The following SMOC2 variants were observed in gnomAD, a reference collection of about 807,000 sequenced individuals.
SMOC2 encodes the protein SPARC related modular calcium binding 2.
Under a neutral mutation model 61.4 loss-of-function variants are expected in SMOC2, and 39 were observed. That is an observed-to-expected ratio of 0.64 (90% CI 0.49 to 0.83). The LOEUF is 0.83. Among genes scored for constraint, SMOC2 ranks in the 40% least tolerant of loss-of-function variants. SMOC2 has a pLI of 0.00. For missense variants in SMOC2, 556 were observed against 592.9 expected (o/e 0.94, Z 0.65); for synonymous variants, 247 against 239.9 (o/e 1.03, Z -0.27).
In SMOC2 at chr6:168,544,056, GGAGGAA is replaced by G. The variant is rs1783936564; in HGVS notation, c.511+391_511+396del. The stretch of plus-strand genomic sequence containing the variant: ...AAGATGCCTCAACTCCTCCCTACAA[GGAGGAA>G]GAGGAACAGTTTTTCTACCTACAGC... On this transcript the variant is annotated intron_variant, in intron 5 of 12. Coordinates refer to ENST00000356284, the MANE Select transcript of SMOC2 (RefSeq NM_001166412.2). The surrounding 1 kb of genome is among the most constrained non-coding windows in gnomAD (Gnocchi z 4.1). Among the ~76,000 whole-genome samples the G allele has an allele frequency of 1.3e-5, 2 of 152,248 alleles. No individual in the cohort carries two copies. Among genetic ancestry groups the G allele is most frequent in the Admixed American group, 1.3e-4 (2 of 15,294 alleles).
At chr6:168,556,271 G>A (rs556203817) in intron 7 of SMOC2, among the ~76,000 whole-genome samples, 118 of 152,324 alleles carry the variant, frequency 7.7e-4, no homozygotes, top group African/African-American at 2.6e-3. Flanking sequence ...CCATACTCGG[G>A]AACCAGGGGA....
intron 1 of SMOC2, among the ~76,000 whole-genome samples, chr6:168,495,959 A>C (rs927009952): frequency 6.6e-6 from 1 of 152,232 alleles, no homozygotes; most frequent in African/African-American, 2.4e-5. Context: ...GGTGCCCTGC[A>C]TGCATTTCCT....
At chr6:168,628,212 T>G (rs1415574017) in intron 9 of SMOC2, among the ~76,000 whole-genome samples, 2 of 152,246 alleles carry the variant, frequency 1.3e-5, no homozygotes, top group Non-Finnish European at 2.9e-5. Flanking sequence ...TTTCTGTTGA[T>G]ATTTTAGCTT....
chr6:168,553,894 G>A lies in SMOC2; in HGVS notation c.637+4691G>A, dbSNP rs966125973. 8.6e-5 allele frequency among the ~76,000 whole-genome samples: 13 copies of A among 151,788 alleles called. No homozygotes were observed. Among genetic ancestry groups the A allele is most frequent in the Non-Finnish European group, 7.3e-5 (5 of 68,038 alleles). On this transcript the variant is annotated intron_variant, in intron 7 of 12. Coordinates refer to ENST00000356284, the MANE Select transcript of SMOC2 (RefSeq NM_001166412.2). The surrounding 1 kb of genome is among the most constrained non-coding windows in gnomAD (Gnocchi z 4.2). ...TGGTAGGAGGATTATTCCATGGGACGAGTCGATTAAAACTTGCTTTTGAAC... is the reference window on the plus strand; with the variant it reads ...TGGTAGGAGGATTATTCCATGGGACAAGTCGATTAAAACTTGCTTTTGAAC...
At chr6:168,459,418 G>A (rs544592514) in intron 1 of SMOC2, among the ~76,000 whole-genome samples, 3 of 152,302 alleles carry the variant, frequency 2.0e-5, no homozygotes, top group East Asian at 1.9e-4. Flanking sequence ...GGTATTCTCC[G>A]GTTGTGGGGA....
chr6:168,653,295 C>T (rs966568826), intron 11 of SMOC2, 67 bp downstream of exon 11: 18 of 1,535,422 alleles, frequency 1.2e-5, no homozygotes, highest in South Asian at 2.5e-5. Context: ...GTCTGCTTCT[C>T]ACAAACACAA....
At chr6:168,638,869 C>A (rs1054365414) in intron 9 of SMOC2, among the ~76,000 whole-genome samples, 1 of 152,110 alleles carries the variant, frequency 6.6e-6, no homozygotes, top group Non-Finnish European at 1.5e-5. Context: ...GCTGAGCTGA[C>A]GTAAGGAAGA....
chr6:168,599,276 TCA>T (rs1297738460), intron 8 of SMOC2, among the ~76,000 whole-genome samples: 1 of 92,508 alleles, frequency 1.1e-5, no homozygotes, highest in Non-Finnish European at 2.1e-5. Context: ...ACCCACGCTC[TCA>T]CACACCCACA....
intron 8 of SMOC2, among the ~76,000 whole-genome samples, chr6:168,602,715 G>A (rs1008143477): frequency 6.6e-6 from 1 of 152,206 alleles, no homozygotes; most frequent in Non-Finnish European, 1.5e-5. Flanking sequence ...CTGGTTCCTC[G>A]TGCAAACAGT....
chr6:168,600,608 C>G (rs1286283953), intron 8 of SMOC2, among the ~76,000 whole-genome samples: 1 of 152,084 alleles, frequency 6.6e-6, no homozygotes, highest in African/African-American at 2.4e-5. Context: ...GCTCTGGGAC[C>G]CAGTGCCAGG....
In SMOC2 at chr6:168,606,752, C is replaced by T. The variant is rs189587733; in HGVS notation, c.825-1405C>T. On this transcript the variant is annotated intron_variant, in intron 8 of 12. Coordinates refer to ENST00000356284, the MANE Select transcript of SMOC2 (RefSeq NM_001166412.2). The stretch of plus-strand genomic sequence containing the variant: ...TCCTGACAACCTCAGGGCTCCGGGC[C>T]GGACCCCCTCCCGCTGGCCTCCTGC... Among the ~76,000 whole-genome samples, 445 of 151,908 alleles carry T rather than the reference C, an allele frequency of 2.9e-3. 2 individuals carry two copies. The highest frequency in any genetic ancestry group is 9.4e-3 in the African/African-American group (390 of 41,426).
intron 7 of SMOC2, among the ~76,000 whole-genome samples, chr6:168,574,432 G>A (rs1292959856): frequency 3.9e-5 from 6 of 152,218 alleles, no homozygotes; most frequent in African/African-American, 7.2e-5. Context: ...GGGAGAGGTC[G>A]CCTGAAGCCC....
At position 168,603,593 on chromosome 6, in the gene SMOC2, G is replaced by A. The variant is rs79001916; in HGVS notation, c.825-4564G>A. ...TGGGGATACACCAGTGAACAAAACA[G>A]GTACAGTCCATGCTTCCACGGAGCC... On this transcript the variant is annotated intron_variant, in intron 8 of 12. Coordinates refer to ENST00000356284, the MANE Select transcript of SMOC2 (RefSeq NM_001166412.2). Among the ~76,000 whole-genome samples the A allele has an allele frequency of 8.1e-3, 1,234 of 152,218 alleles. 5 individuals are homozygous for A. Among genetic ancestry groups the A allele is most frequent in the Non-Finnish European group, 0.013 (854 of 68,010 alleles).
intron 7 of SMOC2, among the ~76,000 whole-genome samples, chr6:168,554,311 C>T (rs775863708): frequency 2.0e-5 from 3 of 152,230 alleles, no homozygotes; most frequent in Non-Finnish European, 2.9e-5. Context: ...AAACTTGTCT[C>T]GATTTCCATC....
intron 1 of SMOC2, among the ~76,000 whole-genome samples, chr6:168,461,914 A>T (rs1781727258): frequency 6.6e-6 from 1 of 152,222 alleles, no homozygotes; most frequent in Non-Finnish European, 1.5e-5. Flanking sequence ...GTGCATCACT[A>T]GGCTCACGTG....
At chr6:168,583,401 G>T (rs576467826) in intron 7 of SMOC2, among the ~76,000 whole-genome samples, 30 of 152,296 alleles carry the variant, frequency 2.0e-4, no homozygotes, top group African/African-American at 7.0e-4. Flanking sequence ...ACCCCTCCTG[G>T]TCTGAAGCTT....
chr6:168,485,727 GA>G (rs1193580398), intron 1 of SMOC2, among the ~76,000 whole-genome samples: 4 of 152,014 alleles, frequency 2.6e-5, no homozygotes, highest in Non-Finnish European at 5.9e-5. Flanking sequence ...GGGAGATGAT[GA>G]AAAAAATTTT....
chr6:168,463,799 T>C (rs2115005687), intron 1 of SMOC2, among the ~76,000 whole-genome samples: 1 of 152,208 alleles, frequency 6.6e-6, no homozygotes, highest in South Asian at 2.1e-4. Flanking sequence ...AGGGGCACAC[T>C]CCTAGGTGGG....
At chr6:168,646,785 T>C (rs1787044300) in intron 9 of SMOC2, among the ~76,000 whole-genome samples, 1 of 152,194 alleles carries the variant, frequency 6.6e-6, no homozygotes, top group Admixed American at 6.5e-5. Flanking sequence ...GCACCTTTAC[T>C]GTGGGGCAAA....
Sources: gnomAD v4.1 joint callset for allele counts (sites outside exome capture counted in the v4.1 genomes callset) on GRCh38, gnomAD v4.1.1 for gene constraint, Gnocchi (gnomAD v3.1) non-coding constraint, MANE v1.5 for transcripts, NCBI Gene and HGNC (gene_info 2026-07-23, HGNC 2026-07-21) for gene names.